Variants in GLMN observed in about 807,000 individuals in gnomAD.
GLMN encodes glomulin, FKBP associated protein.
A neutral mutation model predicts 87.8 loss-of-function variants in GLMN; 75 were observed. That is an observed-to-expected ratio of 0.85 (90% CI 0.71 to 1.04). GLMN has a LOEUF of 1.04. Ranked by LOEUF, GLMN falls within the 50% of genes least tolerant of loss-of-function variation. The probability of loss-of-function intolerance (pLI) is 0.00; values close to 1 mark genes in which losing one functional copy is unlikely to be tolerated. For synonymous variants in GLMN, 206 were observed against 221.6 expected (o/e 0.93, Z 0.63); for missense variants, 588 against 658.8 (o/e 0.89, Z 1.18).
At chr1:92,304,309 C>G in the GLMN span, 1 of 1,508,946 alleles carries the variant, frequency 6.6e-7, no homozygotes, top group Non-Finnish European at 9.1e-7. Flanking sequence ...TATAAAATTT[C>G]TACCAAAACC....
At position 92,290,179 on chromosome 1, in the gene GLMN, A is replaced by G; in HGVS notation, c.394+19T>C. 2 of 1,302,198 alleles carry G rather than the reference A, an allele frequency of 1.5e-6. No homozygotes were observed. Among genetic ancestry groups the G allele is most frequent in the East Asian group, 2.3e-5 (1 of 43,386 alleles). The allele number at this position is 1,302,198 out of a possible 1,614,324, so 80.7% of individuals were successfully genotyped here. A position where few individuals can be genotyped will look rare whatever the true frequency, so the allele number is the denominator to read the frequency against. On this transcript the variant is annotated intron_variant, in intron 5 of 18. Coordinates refer to ENST00000370360, the MANE Select transcript of GLMN (RefSeq NM_053274.3). ...TAGAGATACAACAAGAAGTACTCTG[A>G]TATCAAAATTCTCATTACCTGTTTG...
the GLMN span, chr1:92,333,224 C>A: frequency 1.7e-6 from 1 of 577,460 alleles, no homozygotes; most frequent in Non-Finnish European, 3.1e-6. Flanking sequence ...TCACAACAGC[C>A]TAACAACTGA....
At chr1:92,303,966 T>C (rs746502898), upstream of GLMN, 2 of 1,576,782 alleles carry the variant, frequency 1.3e-6, no homozygotes, top group South Asian at 2.3e-5. Context: ...AACCCTCTCA[T>C]TTCATTTTAG....
At chr1:92,266,770 T>A (rs776247053) in intron 11 of GLMN, 29 bp from the exon 12 acceptor site, 1 of 1,492,104 alleles carries the variant, frequency 6.7e-7, no homozygotes, top group Non-Finnish European at 9.3e-7. Context: ...AAAATTCAGA[T>A]GTAAACAGAT....
chr1:92,258,460 T>C (rs1378232977), intron 16 of GLMN, among the ~76,000 whole-genome samples: 1 of 152,218 alleles, frequency 6.6e-6, no homozygotes, highest in African/African-American at 2.4e-5. Context: ...ACATGTATGT[T>C]TACTGCAGCA....
At chr1:92,283,964 TAA>T (rs1355252431) in intron 7 of GLMN, among the ~76,000 whole-genome samples, 9 of 151,920 alleles carry the variant, frequency 5.9e-5, no homozygotes, top group Non-Finnish European at 1.5e-5. Flanking sequence ...TTCAACAAAA[TAA>T]AAGAGGACAC....
chr1:92,258,553 T>C (rs1428538329), intron 16 of GLMN, among the ~76,000 whole-genome samples: 1 of 152,090 alleles, frequency 6.6e-6, no homozygotes, highest in Non-Finnish European at 1.5e-5. Context: ...CACATATATA[T>C]CATGGAATAC....
intron 14 of GLMN, 31 bp downstream of exon 14, chr1:92,264,523 T>C (rs1207583914): frequency 4.0e-6 from 4 of 998,312 alleles, no homozygotes; most frequent in East Asian, 2.4e-5. Flanking sequence ...ACGAAATAAA[T>C]TGGTAATTGA....
chr1:92,258,848 T>C (rs545767289), intron 16 of GLMN, among the ~76,000 whole-genome samples: 2 of 152,194 alleles, frequency 1.3e-5, no homozygotes, highest in East Asian at 1.9e-4. Flanking sequence ...TGTATACCTA[T>C]GTAACAAACC....
the GLMN span, among the ~76,000 whole-genome samples, chr1:92,341,439 A>C: frequency 1.3e-5 from 2 of 152,348 alleles, no homozygotes; most frequent in African/African-American, 2.4e-5. Context: ...AATAGGAAAA[A>C]TATGAAAACA....
At chr1:92,335,345 CAT>C in the GLMN span, among the ~76,000 whole-genome samples, 15 of 152,210 alleles carry the variant, frequency 9.9e-5, no homozygotes, top group African/African-American at 1.9e-4. Flanking sequence ...TATTTTGGAA[CAT>C]GTGTGAAACT....
chr1:92,291,571 G>A (rs1021273688), intron 3 of GLMN, 34 bp from the exon 4 acceptor site: 4 of 1,606,852 alleles, frequency 2.5e-6, no homozygotes, highest in Non-Finnish European at 3.4e-6. Context: ...AGCAAACACT[G>A]CCATCTATAG....
At chr1:92,323,419 T>C in the GLMN span, 1 of 1,458,458 alleles carries the variant, frequency 6.9e-7, no homozygotes, top group Admixed American at 2.2e-5. Flanking sequence ...TTTATTTAGT[T>C]ATTTTATTTC....
At chr1:92,293,732 T>C (rs1251582238) in intron 3 of GLMN, among the ~76,000 whole-genome samples, 1 of 152,040 alleles carries the variant, frequency 6.6e-6, no homozygotes, top group East Asian at 1.9e-4. Flanking sequence ...GATGAATGGA[T>C]AAAGAAAATG....
intron 7 of GLMN, among the ~76,000 whole-genome samples, chr1:92,279,739 T>C (rs1647763032): frequency 6.6e-6 from 1 of 152,200 alleles, no homozygotes; most frequent in Non-Finnish European, 1.5e-5. Context: ...GGAGAAACAG[T>C]ACACTCCTGA....
chr1:92,333,539 A>G, the GLMN span: 1 of 1,036,152 alleles, frequency 9.7e-7, no homozygotes, highest in Non-Finnish European at 1.5e-6. Flanking sequence ...TAAGCTCATA[A>G]TGTGTAAGTA....
intron 16 of GLMN, among the ~76,000 whole-genome samples, chr1:92,255,591 A>C (rs1654115782): frequency 6.6e-6 from 1 of 152,200 alleles, no homozygotes. Flanking sequence ...TCAAAGTAGA[A>C]CTCAGGATTA....
chr1:92,302,756 C>A (rs377726840), upstream of GLMN, among the ~76,000 whole-genome samples: 2 of 151,700 alleles, frequency 1.3e-5, no homozygotes, highest in African/African-American at 4.8e-5. Context: ...CCCACCATTA[C>A]GCCCGGCTAA....
the GLMN span, among the ~76,000 whole-genome samples, chr1:92,314,785 C>G: frequency 6.7e-6 from 1 of 149,866 alleles, no homozygotes; most frequent in Non-Finnish European, 1.5e-5. Context: ...TGGCTCACAC[C>G]TGTAATCCCA....
Sources: allele counts gnomAD v4.1 joint callset (sites outside exome capture counted in the v4.1 genomes callset), GRCh38; gene constraint gnomAD v4.1.1; transcripts MANE v1.5; gene names NCBI Gene and HGNC (gene_info 2026-07-23, HGNC 2026-07-21).